Variants in CFAP44 observed in about 807,000 individuals in gnomAD.
CFAP44 encodes cilia and flagella associated protein 44, also known as cilia- and flagella-associated protein 44.
In CFAP44, 134 loss-of-function variants were observed where a neutral mutation model predicts 216.2. That is an observed-to-expected ratio of 0.62 (90% CI 0.54 to 0.72). The LOEUF (loss-of-function observed/expected upper bound fraction) is 0.72. Among genes scored for constraint, CFAP44 ranks in the 30% least tolerant of loss-of-function variants. The pLI is 0.00. For synonymous variants in CFAP44, 700 were observed against 727.6 expected, an observed-to-expected ratio of 0.96 and a Z score of 0.61; for missense variants, 2,035 against 2,182.1, an observed-to-expected ratio of 0.93 and a Z score of 1.34.
At chr3:113,429,778 T>C (rs1209707156) in intron 2 of CFAP44, among the ~76,000 whole-genome samples, 1 of 152,184 alleles carries the variant, frequency 6.6e-6, no homozygotes, top group Non-Finnish European at 1.5e-5. Context: ...TAGAATTCTA[T>C]TTAAATTTCT....
intron 1 of CFAP44, among the ~76,000 whole-genome samples, chr3:113,435,517 A>G (rs1935216151): frequency 6.6e-6 from 1 of 152,104 alleles, no homozygotes; most frequent in African/African-American, 2.4e-5. Context: ...GATTATGGGA[A>G]CTATAATTAC....
At chr3:113,408,451 A>G (rs1338724172) in intron 7 of CFAP44, among the ~76,000 whole-genome samples, 1 of 152,252 alleles carries the variant, frequency 6.6e-6, no homozygotes, top group East Asian at 1.9e-4. Context: ...AAAGAAATTC[A>G]GTAGTGGATG....
Position 113,288,092 on chromosome 3 carries a change from C to G in CFAP44, c.*3465G>C, listed in dbSNP as rs1949791916. 6.6e-6 allele frequency: 1 copy of G among 152,114 alleles called. No homozygotes were observed. The highest frequency in any genetic ancestry group is 1.5e-5 in the Non-Finnish European group (1 of 68,026). 9.4% of individuals were successfully genotyped at this position (152,114 alleles called of 1,614,324 possible). On this transcript the variant is annotated 3_prime_UTR_variant, in exon 35 of 35. Coordinates refer to ENST00000393845, the MANE Select transcript of CFAP44 (RefSeq NM_001164496.2). ...TGGGGCTGGAGAGGGTGGGGGGAGC[C>G]TGTATTTTCTAGATTTCTGTAAAAT...
chr3:113,307,380 C>T (rs1949996474), intron 29 of CFAP44, among the ~76,000 whole-genome samples: 1 of 152,170 alleles, frequency 6.6e-6, no homozygotes, highest in Non-Finnish European at 1.5e-5. Context: ...CCTAAGAGAA[C>T]AGATAATAAA....
chr3:113,396,868 C>T, intron 13 of CFAP44, 141 bp from the exon 14 acceptor site: 1 of 787,414 alleles, frequency 1.3e-6, no homozygotes. Flanking sequence ...CTGGTAACCT[C>T]TATCCATTCC....
chr3:113,384,532 G>A (rs1002215814), intron 15 of CFAP44, among the ~76,000 whole-genome samples: 3 of 152,176 alleles, frequency 2.0e-5, no homozygotes, highest in East Asian at 1.9e-4. Context: ...TTGTTAGGGT[G>A]GGCCCTTAAT....
At chr3:113,293,747 C>T (rs1024791464) in intron 34 of CFAP44, among the ~76,000 whole-genome samples, 1 of 152,220 alleles carries the variant, frequency 6.6e-6, no homozygotes, top group Non-Finnish European at 1.5e-5. Context: ...ATCTAATCTT[C>T]AATTATAAGC....
At chr3:113,438,747 G>A (rs114100688) in intron 1 of CFAP44, among the ~76,000 whole-genome samples, 3 of 151,760 alleles carry the variant, frequency 2.0e-5, no homozygotes, top group East Asian at 1.9e-4. Flanking sequence ...TTTTTCTTCC[G>A]AGAACACACA....
At chr3:113,422,846 A>G (rs904628042) in intron 4 of CFAP44, among the ~76,000 whole-genome samples, 27 of 152,168 alleles carry the variant, frequency 1.8e-4, no homozygotes, top group African/African-American at 6.3e-4. Flanking sequence ...TAATATTATT[A>G]TCTTTAATTT....
intron 15 of CFAP44, among the ~76,000 whole-genome samples, chr3:113,390,677 C>T (rs1436248222): frequency 6.6e-6 from 1 of 152,020 alleles, no homozygotes; most frequent in Non-Finnish European, 1.5e-5. Context: ...ACACAAAAAT[C>T]AATAGCATTT....
Position 113,297,431 on chromosome 3 carries a change from C to T in CFAP44, c.5078-546G>A, listed in dbSNP as rs183401709. On this transcript the variant is annotated intron_variant, in intron 32 of 34. Coordinates refer to ENST00000393845, the MANE Select transcript of CFAP44 (RefSeq NM_001164496.2). ...TCAAACATGCCAGGCTCACCCCAGC[C>T]TCATTTCCTCCTATCTGAACTGCTC... Among the ~76,000 whole-genome samples, 4 of 152,198 alleles carry T rather than the reference C, an allele frequency of 2.6e-5. No individual in the cohort carries two copies. The East Asian group carries it at 7.7e-4, about 29-fold the overall frequency.
At chr3:113,381,276 G>C (rs2129433) in intron 15 of CFAP44, among the ~76,000 whole-genome samples, 1 of 151,790 alleles carries the variant, frequency 6.6e-6, no homozygotes, top group Non-Finnish European at 1.5e-5. Flanking sequence ...AGTGATTAAA[G>C]ATTAATAATT....
At chr3:113,396,121 A>C (rs1386779480) in intron 14 of CFAP44, among the ~76,000 whole-genome samples, 6 of 152,226 alleles carry the variant, frequency 3.9e-5, no homozygotes, top group African/African-American at 1.2e-4. Flanking sequence ...TATACCATGC[A>C]TATGCTCACC....
In CFAP44 at chr3:113,401,301, A is replaced by G. The variant is rs771853378; in HGVS notation, c.1327-14T>C. On this transcript the variant is annotated splice_polypyrimidine_tract_variant and intron_variant, in intron 10 of 34. Coordinates refer to ENST00000393845, the MANE Select transcript of CFAP44 (RefSeq NM_001164496.2). Reference sequence around the variant, plus strand: ...TCCATTGGCATCCTAAAAAAATTAAATAGTATTTTGTTTTATCATTTTAAA... The same window carrying G: ...TCCATTGGCATCCTAAAAAAATTAAGTAGTATTTTGTTTTATCATTTTAAA... 2.5e-6 allele frequency: 4 copies of G among 1,575,532 alleles called. No homozygotes were observed. In the African/African-American group the frequency reaches 5.5e-5, roughly 22 times the overall value.
At chr3:113,321,680 A>T (rs1950147492) in intron 28 of CFAP44, among the ~76,000 whole-genome samples, 1 of 152,232 alleles carries the variant, frequency 6.6e-6, no homozygotes, top group African/African-American at 2.4e-5. Context: ...TTGGAATACA[A>T]AATCAATATA....
At chr3:113,363,628 C>T (rs1014363153) in intron 19 of CFAP44, 96 bp from the exon 20 acceptor site, 6 of 1,138,008 alleles carry the variant, frequency 5.3e-6, no homozygotes, top group Non-Finnish European at 6.0e-6. Flanking sequence ...CAAATTGGTT[C>T]GGTTTTCTTT....
intron 5 of CFAP44, 59 bp from the exon 6 acceptor site, chr3:113,416,686 G>T: frequency 8.2e-7 from 1 of 1,223,044 alleles, no homozygotes; most frequent in African/African-American, 1.5e-5. Flanking sequence ...TAAATAGTCT[G>T]ATTAATGCAG....
In CFAP44 at chr3:113,302,457, T is replaced by TAAAAAAAAAAAAA. The variant is rs60866565; in HGVS notation, c.5077+1446_5077+1458dup. Among the ~76,000 whole-genome samples, 55 of 75,770 alleles carry TAAAAAAAAAAAAA rather than the reference T, an allele frequency of 7.3e-4. 1 individual carries two copies. Among genetic ancestry groups the TAAAAAAAAAAAAA allele is most frequent in the Admixed American group, 2.3e-3 (14 of 6,146 alleles). 49.7% of individuals were successfully genotyped at this position (75,770 alleles called of 152,430 possible). ...GTATCCAAAGATACACTAGACAAAGTAAAAAAAAAAAAAAAAAAAAAAAGA... is the reference window on the plus strand; with the variant it reads ...GTATCCAAAGATACACTAGACAAAGTAAAAAAAAAAAAAAAAAAAAAAAAAAAAAAAAAAAAGA... On this transcript the variant is annotated intron_variant, in intron 32 of 34. Transcript: ENST00000393845.
rs780714673 is a variant in CFAP44, at chr3:113,333,514, C to A, written c.3507G>T (p.Val1169=). 3.9e-6 allele frequency: 6 copies of A among 1,537,118 alleles called. No individual in the cohort carries two copies. Among genetic ancestry groups the A allele is most frequent in the Non-Finnish European group, 5.2e-6 (6 of 1,146,866 alleles). ...KDLQAIKEAQ[V]YMGDFNLKTA... is the part of the protein sequence containing the mutation. ...TCTTCAGATTGAAATCTCCCATATA[C>A]ACCTGGGCTTCTTTGATGGCTTGAA... is the stretch of plus-strand genomic sequence containing the variant. Residue 1169 remains valine (V), a synonymous_variant, in exon 25 of 35, where the codon GTG becomes GTT. Transcript: ENST00000393845.
Sources: gnomAD v4.1 joint callset for allele counts (sites outside exome capture counted in the v4.1 genomes callset) on GRCh38, gnomAD v4.1.1 for gene constraint, MANE v1.5 for transcripts, NCBI Gene and HGNC (gene_info 2026-07-23, HGNC 2026-07-21) for gene names.